The following CLNK variants were observed in gnomAD, a reference collection of about 807,000 sequenced individuals.
CLNK encodes the protein cytokine-dependent hematopoietic cell linker.
In CLNK, 74 loss-of-function variants were observed where a neutral mutation model predicts 68.6. The ratio of observed to expected loss-of-function variants is 1.08; its 90% CI spans 0.89 to 1.31. CLNK has a LOEUF of 1.31. Among genes scored for constraint, CLNK ranks in the 50% most tolerant of loss-of-function variants. The probability of loss-of-function intolerance (pLI) is 0.00; values close to 1 mark genes in which losing one functional copy is unlikely to be tolerated. For synonymous variants in CLNK, 198 were observed against 172.2 expected (o/e 1.15, Z -1.17); for missense variants, 553 against 515.3 (o/e 1.07, Z -0.71).
chr4:10,592,486 C>T (rs1053838220), intron 3 of CLNK, among the ~76,000 whole-genome samples: 6 of 151,860 alleles, frequency 4.0e-5, no homozygotes, highest in Non-Finnish European at 7.4e-5. Context: ...TCTTCTTCCT[C>T]CTTTCTCCAT....
chr4:10,677,974 T>A (rs1054734005), intron 1 of CLNK, among the ~76,000 whole-genome samples: 1 of 152,188 alleles, frequency 6.6e-6, no homozygotes, highest in Non-Finnish European at 1.5e-5. Context: ...ATCCTGTCAT[T>A]CTGTGCAAGA....
intron 12 of CLNK, 116 bp downstream of exon 12, chr4:10,532,140 A>T: frequency 1.3e-6 from 1 of 782,946 alleles, no homozygotes; most frequent in Non-Finnish European, 2.2e-6. Flanking sequence ...CATTTTGAGC[A>T]TAGCTATTGT....
intron 2 of CLNK, among the ~76,000 whole-genome samples, chr4:10,633,680 T>C (rs925574226): frequency 3.3e-5 from 5 of 152,156 alleles, no homozygotes; most frequent in Non-Finnish European, 1.5e-5. Flanking sequence ...TTATAACTGC[T>C]CCATACCATT....
the CLNK span, among the ~76,000 whole-genome samples, chr4:10,716,455 A>C: frequency 6.6e-6 from 1 of 152,166 alleles, no homozygotes; most frequent in African/African-American, 2.4e-5. Context: ...AAAAAATTTG[A>C]GAAAGCTTAA....
In CLNK at chr4:10,531,802, T is replaced by G. The variant is rs919328008; in HGVS notation, c.630+454A>C. 6.6e-6 allele frequency: 3 copies of G among 457,768 alleles called. No individual in the cohort carries two copies. The East Asian group carries it at 2.1e-4, about 32-fold the overall frequency. 28.4% of individuals were successfully genotyped at this position (457,768 alleles called of 1,614,324 possible). On this transcript the variant is annotated intron_variant, in intron 12 of 18. Coordinates refer to ENST00000226951, the MANE Select transcript of CLNK (RefSeq NM_052964.4). ...GGATGAGTAAGAGCATTTTCTGAAGTTCACAAAGCGAGTAGGTGGCACGGC... is the reference window on the plus strand; with the variant it reads ...GGATGAGTAAGAGCATTTTCTGAAGGTCACAAAGCGAGTAGGTGGCACGGC...
chr4:10,638,399 A>T (rs1265470223), intron 2 of CLNK, among the ~76,000 whole-genome samples: 1 of 152,250 alleles, frequency 6.6e-6, no homozygotes, highest in Non-Finnish European at 1.5e-5. Flanking sequence ...AAATTGGGCA[A>T]TATGGTCACC....
At chr4:10,615,205 C>T (rs1326028303) in intron 2 of CLNK, among the ~76,000 whole-genome samples, 3 of 150,138 alleles carry the variant, frequency 2.0e-5, no homozygotes, top group Admixed American at 6.6e-5. Context: ...AGAGGCTGGG[C>T]GCGGTGGCTT....
chr4:10,596,661 T>C (rs1331951272), intron 3 of CLNK, among the ~76,000 whole-genome samples: 6 of 150,148 alleles, frequency 4.0e-5, no homozygotes, highest in African/African-American at 1.5e-4. Context: ...GGTATAGAGA[T>C]TTGTATGTCT....
In CLNK at chr4:10,581,822, G is replaced by C. The variant is rs535921405; in HGVS notation, c.112+3105C>G. ...TGCAAATGAAATAATAGAGACATTT[G>C]TTATCTAGAGAATAGAGAACAGCTT... is the stretch of plus-strand genomic sequence containing the variant. On this transcript the variant is annotated intron_variant, in intron 4 of 18. Transcript: ENST00000226951. Among the ~76,000 whole-genome samples the C allele has an allele frequency of 5.9e-5, 9 of 152,156 alleles. No homozygotes were observed. The South Asian group carries it at 1.9e-3, about 32-fold the overall frequency.
intron 2 of CLNK, 46 bp from the exon 3 acceptor site, chr4:10,598,095 T>A (rs533883864): frequency 7.4e-7 from 1 of 1,360,446 alleles, no homozygotes; most frequent in African/African-American, 1.5e-5. Flanking sequence ...AGCAAGAAGC[T>A]AGGGGAAAAA....
chr4:10,607,245 G>A (rs908730842), intron 2 of CLNK, among the ~76,000 whole-genome samples: 4 of 152,174 alleles, frequency 2.6e-5, no homozygotes, highest in Admixed American at 6.5e-5. Flanking sequence ...AGAAGAACAA[G>A]GACAGGTGAG....
chr4:10,685,299 T>C (rs1725229018), upstream of CLNK, among the ~76,000 whole-genome samples: 1 of 152,212 alleles, frequency 6.6e-6, no homozygotes. Context: ...ATAATATTTG[T>C]ATTTTAGAAA....
At chr4:10,508,143 G>T in intron 16 of CLNK, 107 bp from the exon 17 acceptor site, 1 of 765,576 alleles carries the variant, frequency 1.3e-6, no homozygotes, top group Non-Finnish European at 2.1e-6. Flanking sequence ...TAATCATAGT[G>T]TAATCTGTAG....
At chr4:10,636,014 A>G (rs899100931) in intron 2 of CLNK, 3 of 152,214 alleles carry the variant, frequency 2.0e-5, no homozygotes, top group Admixed American at 6.5e-5. Flanking sequence ...AACAAACACT[A>G]TACTCAAAAT....
At chr4:10,542,406 C>T in intron 8 of CLNK, 126 bp from the exon 9 acceptor site, 1 of 685,776 alleles carries the variant, frequency 1.5e-6, no homozygotes, top group Non-Finnish European at 2.5e-6. Flanking sequence ...TTAATATTTG[C>T]TGAGATCATA....
At chr4:10,646,146 G>T (rs192708497) in intron 2 of CLNK, among the ~76,000 whole-genome samples, 186 of 152,232 alleles carry the variant, frequency 1.2e-3, no homozygotes, top group African/African-American at 4.2e-3. Context: ...TTGAGTGTGG[G>T]TATGTGAATT....
chr4:10,668,708 G>C (rs887105813), intron 1 of CLNK, among the ~76,000 whole-genome samples: 1 of 152,148 alleles, frequency 6.6e-6, no homozygotes, highest in Admixed American at 6.5e-5. Flanking sequence ...GTAGGCACTG[G>C]GACACAGAGA....
chr4:10,606,091 ATGT>A (rs1220481340), intron 2 of CLNK, among the ~76,000 whole-genome samples: 8 of 152,244 alleles, frequency 5.3e-5, no homozygotes, highest in Non-Finnish European at 1.2e-4. Context: ...CAATTTAAAA[ATGT>A]TGACTCTTGT....
At chr4:10,549,127 C>T (rs749666218) in intron 8 of CLNK, among the ~76,000 whole-genome samples, 1 of 152,202 alleles carries the variant, frequency 6.6e-6, no homozygotes, top group Non-Finnish European at 1.5e-5. Context: ...AGTATAATAT[C>T]GGCAATAGTT....
Sources: allele counts gnomAD v4.1 joint callset (sites outside exome capture counted in the v4.1 genomes callset), GRCh38; gene constraint gnomAD v4.1.1; transcripts MANE v1.5; gene names NCBI Gene and HGNC (gene_info 2026-07-23, HGNC 2026-07-21).